Variants in RORA observed in about 807,000 individuals in gnomAD.
RORA encodes the protein nuclear receptor ROR-alpha.
Under a neutral mutation model 69.5 loss-of-function variants are expected in RORA, and 7 were observed. That is an observed-to-expected ratio of 0.10 (90% confidence interval 0.06 to 0.19). The LOEUF is 0.19. Among genes scored for constraint, RORA ranks in the 10% least tolerant of loss-of-function variants. RORA has a pLI of 1.00. For missense variants in RORA, 457 were observed against 663.0 expected (o/e 0.69, Z 3.41); for synonymous variants, 261 against 240.8 (o/e 1.08, Z -0.78).
intron 1 of RORA, among the ~76,000 whole-genome samples, chr15:61,177,998 A>C (rs1314417551): frequency 6.6e-6 from 1 of 152,002 alleles, no homozygotes; most frequent in Non-Finnish European, 1.5e-5. Context: ...AGAAAGGAGA[A>C]AAAGAAGGAA....
intron 1 of RORA, among the ~76,000 whole-genome samples, chr15:60,946,572 C>A (rs1038167788): frequency 4.6e-5 from 7 of 152,350 alleles, no homozygotes; most frequent in South Asian, 4.1e-4. Context: ...ACTCAGTGCT[C>A]AATGTTGCCC....
At position 60,897,203 on chromosome 15, in the gene RORA, C is replaced by T. The variant is rs563179173; in HGVS notation, c.167-218517G>A. On this transcript the variant is annotated intron_variant, in intron 1 of 10. Transcript: ENST00000335670. ...CCCTAGAAGGGGCTAGGAGGGCCAT[C>T]TTCTGCCACTTCACTCATCTGTGGA... Among the ~76,000 whole-genome samples, 3 of 152,312 alleles carry T rather than the reference C, an allele frequency of 2.0e-5. No individual in the cohort carries two copies. In the East Asian group the frequency reaches 5.8e-4, roughly 29 times the overall value.
chr15:61,174,938 G>A (rs2079614989), intron 1 of RORA, among the ~76,000 whole-genome samples: 1 of 152,162 alleles, frequency 6.6e-6, no homozygotes, highest in Non-Finnish European at 1.5e-5. Flanking sequence ...CAGTTGCACA[G>A]CTAGTGAATT....
chr15:60,604,261 G>A (rs2068893909), intron 2 of RORA, among the ~76,000 whole-genome samples: 1 of 152,110 alleles, frequency 6.6e-6, no homozygotes, highest in South Asian at 2.1e-4. Context: ...ATGGACCTCA[G>A]TGGGGAACCT....
intron 3 of RORA, among the ~76,000 whole-genome samples, chr15:60,522,152 A>G (rs2066189035): frequency 6.6e-6 from 1 of 152,178 alleles, no homozygotes; most frequent in Non-Finnish European, 1.5e-5. Flanking sequence ...ACATTAACTG[A>G]TGCATTCCTG....
rs147337479 is a variant in RORA at position 60,784,326 on chromosome 15, C to T, written c.167-105640G>A. Among the ~76,000 whole-genome samples, 301 of 152,298 alleles carry T rather than the reference C, an allele frequency of 2.0e-3. 2 individuals carry two copies. The highest frequency in any genetic ancestry group is 0.011 in the South Asian group (55 of 4,822). On this transcript the variant is annotated intron_variant, in intron 1 of 10. Coordinates refer to ENST00000335670, the MANE Select transcript of RORA (RefSeq NM_134261.3). ...CCCAAATGTTACTGAAATCATACTG[C>T]TTCATTAAGCACATTAACCTTGGAT... is the stretch of plus-strand genomic sequence containing the variant.
intron 1 of RORA, among the ~76,000 whole-genome samples, chr15:60,829,565 G>C (rs918643149): frequency 6.6e-6 from 1 of 152,286 alleles, no homozygotes; most frequent in Middle Eastern, 3.4e-3. Flanking sequence ...ACTCCTTCCA[G>C]AGTCATCTGT....
intron 1 of RORA, among the ~76,000 whole-genome samples, chr15:61,014,405 G>T (rs535282540): frequency 1.3e-5 from 2 of 152,232 alleles, no homozygotes; most frequent in Non-Finnish European, 2.9e-5. Context: ...ATCATGCCCA[G>T]ATGATTTTAA....
intron 1 of RORA, among the ~76,000 whole-genome samples, chr15:60,907,494 G>A (rs776881471): frequency 4.6e-5 from 7 of 152,166 alleles, no homozygotes; most frequent in Non-Finnish European, 1.0e-4. Flanking sequence ...AGCTAGATTA[G>A]AAGATATCTC....
Position 61,118,757 on chromosome 15 carries a change from A to AT in RORA, c.166+110295dup, listed in dbSNP as rs996388834. 3.6e-3 allele frequency among the ~76,000 whole-genome samples: 542 copies of AT among 150,384 alleles called. 4 individuals are homozygous for AT. Among genetic ancestry groups the AT allele is most frequent in the African/African-American group, 0.012 (486 of 40,966 alleles). On this transcript the variant is annotated intron_variant, in intron 1 of 10. Coordinates refer to ENST00000335670, the MANE Select transcript of RORA (RefSeq NM_134261.3). ...CCCTGCCAAATAGGGAGGAGGAATG[A>AT]TTTTTTTTTTCCTTCATAAAAACAA...
chr15:60,942,674 T>C (rs11630499), intron 1 of RORA, among the ~76,000 whole-genome samples: 1 of 152,244 alleles, frequency 6.6e-6, no homozygotes, highest in Non-Finnish European at 1.5e-5. Context: ...GTTATATGCA[T>C]ATACATACAA....
chr15:60,883,109 C>T (rs1314262422), intron 1 of RORA, among the ~76,000 whole-genome samples: 5 of 110,116 alleles, frequency 4.5e-5, no homozygotes, highest in South Asian at 3.2e-4. Flanking sequence ...CCCGCCTGGG[C>T]GACAGAGAGA....
intron 9 of RORA, 34 bp from the exon 10 acceptor site, chr15:60,500,038 C>T (rs765446645): frequency 7.7e-7 from 1 of 1,305,656 alleles, no homozygotes; most frequent in Non-Finnish European, 1.1e-6. Context: ...TTTAGCATTC[C>T]TCTGACATGG....
intron 2 of RORA, among the ~76,000 whole-genome samples, chr15:60,538,100 G>A (rs1256712727): frequency 6.6e-6 from 1 of 152,120 alleles, no homozygotes; most frequent in Non-Finnish European, 1.5e-5. Flanking sequence ...CCAGGGTTTT[G>A]ATGTAGACAT....
chr15:60,777,292 A>T (rs2072183357), intron 1 of RORA, among the ~76,000 whole-genome samples: 1 of 152,236 alleles, frequency 6.6e-6, no homozygotes, highest in South Asian at 2.1e-4. Context: ...AGAAACACGG[A>T]TACGGAGAAA....
intron 1 of RORA, among the ~76,000 whole-genome samples, chr15:61,211,207 A>C (rs572036915): frequency 6.6e-6 from 1 of 152,152 alleles, no homozygotes; most frequent in African/African-American, 2.4e-5. Context: ...TTTGGCCACC[A>C]ACGTCCTGAA....
At chr15:60,988,284 A>G (rs1007998510) in intron 1 of RORA, among the ~76,000 whole-genome samples, 2 of 152,176 alleles carry the variant, frequency 1.3e-5, no homozygotes, top group African/African-American at 4.8e-5. Context: ...AACAGGTAGA[A>G]ATATTAATTC....
chr15:60,859,181 T>G (rs1027839639), intron 1 of RORA, among the ~76,000 whole-genome samples: 3 of 152,202 alleles, frequency 2.0e-5, no homozygotes, highest in African/African-American at 7.2e-5. Context: ...ACAGGATCCA[T>G]CCACCTAAAT....
intron 1 of RORA, among the ~76,000 whole-genome samples, chr15:61,095,741 A>AAG (rs2078780107): frequency 6.6e-6 from 1 of 152,234 alleles, no homozygotes; most frequent in Non-Finnish European, 1.5e-5. Context: ...TTCGAGGTGG[A>AAG]GTGCTGGGGA....
Sources: allele counts gnomAD v4.1 joint callset (sites outside exome capture counted in the v4.1 genomes callset), GRCh38; gene constraint gnomAD v4.1.1; transcripts MANE v1.5; gene names NCBI Gene and HGNC (gene_info 2026-07-23, HGNC 2026-07-21).